The following MCOLN2 variants were observed in gnomAD, a reference collection of about 807,000 sequenced individuals.
MCOLN2 encodes the protein mucolipin-2.
MCOLN2 carries 57 observed loss-of-function variants against 67.5 expected under a neutral mutation model. The observed-to-expected ratio is 0.84, with a 90% CI of 0.68 to 1.05. The LOEUF (loss-of-function observed/expected upper bound fraction) is 1.05, where lower values mean the gene tolerates loss of function less well. Ranked by LOEUF, MCOLN2 falls within the 50% of genes least tolerant of loss-of-function variation. The pLI is 0.00. For synonymous variants in MCOLN2, 246 were observed against 233.3 expected (o/e 1.05, Z -0.50); for missense variants, 620 against 678.8 (o/e 0.91, Z 0.96).
chr1:84,956,641 G>C (rs749837427), intron 3 of MCOLN2, 57 bp from the exon 4 acceptor site: 16 of 1,395,730 alleles, frequency 1.1e-5, no homozygotes, highest in South Asian at 4.3e-5. Context: ...TTTGATCAGA[G>C]GTTATAGCAT....
chr1:84,989,463 T>C (rs1650776335), intron 1 of MCOLN2, among the ~76,000 whole-genome samples: 1 of 152,184 alleles, frequency 6.6e-6, no homozygotes, highest in African/African-American at 2.4e-5. Flanking sequence ...TTATTCCTAG[T>C]CTTTCCAAAG....
Position 84,997,100 on chromosome 1 carries a change from AGGC to A in MCOLN2, c.-231_-229del. 6 of 566,002 alleles carry A rather than the reference AGGC, an allele frequency of 1.1e-5. No homozygotes were observed. Among genetic ancestry groups the A allele is most frequent in the Non-Finnish European group, 1.9e-5 (6 of 319,838 alleles). 35.1% of individuals were successfully genotyped at this position (566,002 alleles called of 1,614,324 possible). A position where few individuals can be genotyped will look rare whatever the true frequency, so the allele number is the denominator to read the frequency against. On this transcript the variant is annotated 5_prime_UTR_variant, in exon 1 of 14. Transcript: ENST00000370608. ...GGCGGGCAGTTCTCGGGCGGCTGAA[AGGC>A]GGCTCTGTGTGCACCCTGCAGGATG...
intron 1 of MCOLN2, among the ~76,000 whole-genome samples, chr1:84,975,144 T>G (rs148257243): frequency 1.3e-5 from 2 of 152,290 alleles, no homozygotes; most frequent in Admixed American, 6.5e-5. Flanking sequence ...ACAGGCCTGG[T>G]TGGCTTTGCC....
intron 4 of MCOLN2, among the ~76,000 whole-genome samples, 196 bp from the exon 5 acceptor site, chr1:84,952,726 T>C (rs72718784): frequency 0.017 from 2,553 of 152,282 alleles, 30 homozygotes; most frequent in Non-Finnish European, 0.031. Context: ...GACACCACAC[T>C]AACCAAGTGA....
Position 84,965,671 on chromosome 1 carries a change from CT to C in MCOLN2, c.114del (p.Glu39AsnfsTer3), listed in dbSNP as rs1649343484. 1 of 1,613,588 alleles carries C rather than the reference CT, an allele frequency of 6.2e-7. No individual in the cohort carries two copies. The highest frequency in any genetic ancestry group is 1.1e-5 in the South Asian group (1 of 90,956). On this transcript the variant is annotated frameshift_variant, in exon 2 of 14. Coordinates refer to ENST00000370608, the MANE Select transcript of MCOLN2 (RefSeq NM_153259.4). LOFTEE classifies it high-confidence loss of function. ...AMAHRDSEMK[E>X]ECLREDLKFY... ...AACTTCAGGTCTTCCCTTAGACATT[CT>C]TCTTTCATCTCAGAATCACGATGTG...
At position 84,995,878 on chromosome 1, in the gene MCOLN2, TTCAC is replaced by T. The variant is rs759318381; in HGVS notation, c.77+914_77+917del. Among the ~76,000 whole-genome samples the T allele has an allele frequency of 9.3e-4, 142 of 152,290 alleles. 1 individual carries two copies. The Middle Eastern group carries it at 0.031, about 33-fold the overall frequency. The stretch of plus-strand genomic sequence containing the variant: ...GGCTACCTCAAACACTTTATTAGGA[TTCAC>T]TCATTTTTTATTACAGGAGGTTAAA... On this transcript the variant is annotated intron_variant, in intron 1 of 13. Transcript: ENST00000370608.
intron 1 of MCOLN2, among the ~76,000 whole-genome samples, chr1:84,970,010 C>A (rs913532600): frequency 2.0e-5 from 3 of 152,100 alleles, no homozygotes; most frequent in Non-Finnish European, 2.9e-5. Context: ...TTAACTGTGC[C>A]TGAGAGCAAC....
At chr1:84,956,188 C>A (rs1187936724) in intron 4 of MCOLN2, among the ~76,000 whole-genome samples, 2 of 151,856 alleles carry the variant, frequency 1.3e-5, no homozygotes. Context: ...TGTGAATATA[C>A]CCCCAAACCA....
chr1:84,960,701 G>T (rs144091503), intron 2 of MCOLN2, among the ~76,000 whole-genome samples: 68 of 152,290 alleles, frequency 4.5e-4, no homozygotes, highest in African/African-American at 1.5e-3. Context: ...AGCCAGAAAA[G>T]GTCATGTTGC....
chr1:84,926,503 C>T lies in MCOLN2; in HGVS notation c.*182G>A. The T allele has an allele frequency of 2.2e-6, 1 of 447,730 alleles. No individual in the cohort carries two copies. The highest frequency in any genetic ancestry group is 2.0e-5 in the African/African-American group (1 of 50,144). 27.7% of individuals were successfully genotyped at this position (447,730 alleles called of 1,614,324 possible). A position where few individuals can be genotyped will look rare whatever the true frequency, so the allele number is the denominator to read the frequency against. On this transcript the variant is annotated 3_prime_UTR_variant, in exon 14 of 14. Transcript: ENST00000370608. Reference sequence around the variant, plus strand: ...AGCCCATGGTCTATTCTTTATCATTCAAGTTTATAAAAAGTAAAGCTGGAA... The same window carrying T: ...AGCCCATGGTCTATTCTTTATCATTTAAGTTTATAAAAAGTAAAGCTGGAA...
chr1:84,959,628 C>T (rs973850660), intron 2 of MCOLN2, among the ~76,000 whole-genome samples: 8 of 152,246 alleles, frequency 5.3e-5, no homozygotes, highest in Non-Finnish European at 7.4e-5. Context: ...CAGGCAGTGA[C>T]GGTAGTCAAA....
At chr1:84,931,806 A>G (rs1449923817) in intron 11 of MCOLN2, among the ~76,000 whole-genome samples, 1 of 152,088 alleles carries the variant, frequency 6.6e-6, no homozygotes, top group African/African-American at 2.4e-5. Flanking sequence ...TTGGAGGATC[A>G]CTTGAGCCCA....
chr1:84,935,971 T>C lies in MCOLN2; in HGVS notation c.1335+1784A>G, dbSNP rs1210268000. ...TAAATGCTCTCTTGCAATGATCTGT[T>C]TTAGATAATACCAAGAAAAGCTCTA... On this transcript the variant is annotated intron_variant, in intron 11 of 13. Coordinates refer to ENST00000370608, the MANE Select transcript of MCOLN2 (RefSeq NM_153259.4). Among the ~76,000 whole-genome samples, 3 of 152,344 alleles carry C rather than the reference T, an allele frequency of 2.0e-5. No homozygotes were observed. The East Asian group carries it at 5.8e-4, about 29-fold the overall frequency.
At chr1:84,968,981 A>G (rs757319674) in intron 1 of MCOLN2, among the ~76,000 whole-genome samples, 1 of 152,092 alleles carries the variant, frequency 6.6e-6, no homozygotes, top group Non-Finnish European at 1.5e-5. Flanking sequence ...ACATTTCTAC[A>G]TGGTTGTCAA....
chr1:84,948,552 C>T (rs1347205845), intron 6 of MCOLN2, among the ~76,000 whole-genome samples: 1 of 151,850 alleles, frequency 6.6e-6, no homozygotes, highest in Non-Finnish European at 1.5e-5. Flanking sequence ...AACATGGCAC[C>T]CAAAAGAACA....
intron 4 of MCOLN2, 103 bp downstream of exon 4, chr1:84,956,328 T>G: frequency 8.5e-7 from 1 of 1,178,556 alleles, no homozygotes; most frequent in South Asian, 1.3e-5. Flanking sequence ...AGGTTAGCTC[T>G]CACCAAAGCA....
chr1:84,934,249 A>G (rs1175386918), intron 11 of MCOLN2, among the ~76,000 whole-genome samples: 3 of 152,162 alleles, frequency 2.0e-5, no homozygotes, highest in Non-Finnish European at 4.4e-5. Context: ...CCCTCCAAGA[A>G]CTTGGTCTAC....
At chr1:84,928,134 T>C (rs114729713) in intron 13 of MCOLN2, among the ~76,000 whole-genome samples, 59 of 152,268 alleles carry the variant, frequency 3.9e-4, no homozygotes, top group African/African-American at 1.4e-3. Flanking sequence ...AGGACCATCG[T>C]TTGGCCAAAC....
chr1:84,970,713 C>T (rs1281748576), intron 1 of MCOLN2, among the ~76,000 whole-genome samples: 2 of 151,916 alleles, frequency 1.3e-5, no homozygotes, highest in African/African-American at 4.8e-5. Flanking sequence ...AAAAGAATAC[C>T]TTGTGAGCCA....
Sources: allele counts gnomAD v4.1 joint callset (sites outside exome capture counted in the v4.1 genomes callset), GRCh38; gene constraint gnomAD v4.1.1; transcripts MANE v1.5; gene names NCBI Gene and HGNC (gene_info 2026-07-23, HGNC 2026-07-21).